SLC45A2: variants seen among roughly 807,000 people sequenced by gnomAD.
SLC45A2 encodes membrane-associated transporter protein.
In SLC45A2, 36 loss-of-function variants were observed where a neutral mutation model predicts 45.5. That is an observed-to-expected ratio of 0.79 (90% CI 0.61 to 1.04). The LOEUF (loss-of-function observed/expected upper bound fraction) is 1.04, where lower values mean the gene tolerates loss of function less well. Among genes scored for constraint, SLC45A2 ranks in the 50% least tolerant of loss-of-function variants. The probability of loss-of-function intolerance (pLI) is 0.00; values close to 1 mark genes in which losing one functional copy is unlikely to be tolerated. For missense variants in SLC45A2, 719 were observed against 671.0 expected (o/e 1.07, Z -0.79); for synonymous variants, 306 against 269.3 (o/e 1.14, Z -1.33).
intron 3 of SLC45A2, among the ~76,000 whole-genome samples, chr5:33,960,065 T>A (rs907891251): frequency 7.2e-5 from 11 of 152,142 alleles, no homozygotes; most frequent in African/African-American, 2.7e-4. Context: ...CTAAATGTAA[T>A]GTGGTATCCT....
intron 2 of SLC45A2, among the ~76,000 whole-genome samples, chr5:33,969,733 G>T (rs1376896782): frequency 6.6e-6 from 1 of 152,176 alleles, no homozygotes; most frequent in African/African-American, 2.4e-5. Context: ...CTTGCTGCCT[G>T]CTTGATGGGC....
At chr5:33,959,899 C>G (rs1752395941) in intron 3 of SLC45A2, among the ~76,000 whole-genome samples, 1 of 152,146 alleles carries the variant, frequency 6.6e-6, no homozygotes, top group African/African-American at 2.4e-5. Flanking sequence ...ACTACTTACA[C>G]ACTTTTATAA....
At chr5:33,973,137 G>T (rs192905467) in intron 2 of SLC45A2, among the ~76,000 whole-genome samples, 10 of 152,278 alleles carry the variant, frequency 6.6e-5, no homozygotes, top group African/African-American at 2.4e-4. Flanking sequence ...AAAGCCAACT[G>T]CCAATTGGTA....
chr5:33,948,031 T>C (rs1170561578), intron 5 of SLC45A2, among the ~76,000 whole-genome samples: 1 of 152,208 alleles, frequency 6.6e-6, no homozygotes, highest in African/African-American at 2.4e-5. Flanking sequence ...ACAAGTTCCT[T>C]GACTTCTCAA....
chr5:33,954,820 A>G (rs1561359366), intron 3 of SLC45A2, among the ~76,000 whole-genome samples: 1 of 152,204 alleles, frequency 6.6e-6, no homozygotes, highest in Non-Finnish European at 1.5e-5. Context: ...GAACTGTTGC[A>G]CAAGGACAAA....
At chr5:33,972,341 A>G in intron 2 of SLC45A2, 2 of 382,460 alleles carry the variant, frequency 5.2e-6, no homozygotes, top group Non-Finnish European at 1.1e-5. Context: ...ATCCAGGAAG[A>G]TTAGATAGAA....
At chr5:33,964,533 C>T (rs1199627078) in intron 2 of SLC45A2, among the ~76,000 whole-genome samples, 1 of 152,162 alleles carries the variant, frequency 6.6e-6, no homozygotes, top group Non-Finnish European at 1.5e-5. Flanking sequence ...ATGAAACACC[C>T]TCAAAAGCTG....
chr5:33,959,518 G>A (rs959840799), intron 3 of SLC45A2, among the ~76,000 whole-genome samples: 5 of 152,074 alleles, frequency 3.3e-5, no homozygotes, highest in African/African-American at 1.2e-4. Flanking sequence ...CTCTACTTGT[G>A]TGATTGAGAT....
chr5:33,976,219 C>G lies in SLC45A2; in HGVS notation c.562+6017G>C, dbSNP rs147969730. 2.8e-3 allele frequency among the ~76,000 whole-genome samples: 430 copies of G among 152,258 alleles called. 2 individuals are homozygous for G. The highest frequency in any genetic ancestry group is 1.0e-2 in the African/African-American group (414 of 41,562). On this transcript the variant is annotated intron_variant, in intron 2 of 6. Coordinates refer to ENST00000296589, the MANE Select transcript of SLC45A2 (RefSeq NM_016180.5). ...AAGGGGCCGAGAACACGGGGAAGGG[C>G]TGAAGGAAATCAACCTGGATTTTTG...
intron 3 of SLC45A2, among the ~76,000 whole-genome samples, chr5:33,961,867 T>C (rs1230433762): frequency 3.3e-5 from 5 of 152,178 alleles, no homozygotes; most frequent in Non-Finnish European, 7.4e-5. Context: ...AGCCTGTTCC[T>C]ACAAGAGTTG....
chr5:33,976,117 T>C (rs1053967254), intron 2 of SLC45A2, among the ~76,000 whole-genome samples: 2 of 152,126 alleles, frequency 1.3e-5, no homozygotes, highest in African/African-American at 4.8e-5. Context: ...AGCCACTGTT[T>C]TGTGGGCGTT....
intron 1 of SLC45A2, 100 bp from the exon 2 acceptor site, chr5:33,982,512 GC>G: frequency 8.2e-7 from 1 of 1,226,504 alleles, no homozygotes; most frequent in Middle Eastern, 1.9e-4. Flanking sequence ...CATCTTCCTT[GC>G]TTTTATTTTG....
chr5:33,947,348 T>C lies in SLC45A2; in HGVS notation c.1183A>G (p.Ile395Val). Reference sequence around the variant, plus strand: ...GTGAAGTAAAGACCCTTTAATCCAATGTAGGATACCAAAACTTTCTGAAAG... The same window carrying C: ...GTGAAGTAAAGACCCTTTAATCCAACGTAGGATACCAAAACTTTCTGAAAG... ...SYFQKVLVSYIGLKGLYFTGY... is the reference protein window; with the variant it reads ...SYFQKVLVSYVGLKGLYFTGY... The change falls in exon 6 of 7, where the codon ATT becomes GTT. Residue 395 changes from isoleucine (I) to valine (V), a missense_variant. Ile to Val is a conservative substitution (Grantham distance 29). Coordinates refer to ENST00000296589, the MANE Select transcript of SLC45A2 (RefSeq NM_016180.5). 6.2e-7 allele frequency: 1 copy of C among 1,614,214 alleles called. No individual in the cohort carries two copies. The highest frequency in any genetic ancestry group is 1.7e-5 in the Admixed American group (1 of 60,030).
In SLC45A2 at chr5:33,947,353, G is replaced by T; in HGVS notation, c.1178C>A (p.Ser393Tyr). 1 of 1,614,152 alleles carries T rather than the reference G, an allele frequency of 6.2e-7. No homozygotes were observed. Among genetic ancestry groups the T allele is most frequent in the Non-Finnish European group, 8.5e-7 (1 of 1,180,022 alleles). Residue 393 changes from serine to tyrosine, a missense_variant, in exon 6 of 7, where the codon TCC (serine) becomes TAC (tyrosine). Transcript: ENST00000296589. ...LYSYFQKVLV[S>Y]YIGLKGLYFT... ...GTAAAGACCCTTTAATCCAATGTAG[G>T]ATACCAAAACTTTCTGAAAGTCTGT...
chr5:33,977,880 T>C (rs193092426), intron 2 of SLC45A2, among the ~76,000 whole-genome samples: 14 of 152,260 alleles, frequency 9.2e-5, no homozygotes, highest in Admixed American at 7.8e-4. Flanking sequence ...ATGAGGCACA[T>C]AGGGAGCCAC....
Position 33,944,624 on chromosome 5 carries a change from T to G in SLC45A2, c.*24A>C, listed in dbSNP as rs45552240. 5,214 of 1,611,258 alleles carry G rather than the reference T, an allele frequency of 3.2e-3. 106 individuals carry two copies. The South Asian group carries it at 0.036, about 11-fold the overall frequency. ...CCATGTGCTTCACTGTCTCTGAGGTTAGGGTCATTGTCTCTTTATTGACCT... is the reference window on the plus strand; with the variant it reads ...CCATGTGCTTCACTGTCTCTGAGGTGAGGGTCATTGTCTCTTTATTGACCT... On this transcript the variant is annotated 3_prime_UTR_variant, in exon 7 of 7. Coordinates refer to ENST00000296589, the MANE Select transcript of SLC45A2 (RefSeq NM_016180.5).
chr5:33,945,706 T>A (rs1475032576), intron 6 of SLC45A2, among the ~76,000 whole-genome samples: 1 of 152,188 alleles, frequency 6.6e-6, no homozygotes, highest in Non-Finnish European at 1.5e-5. Context: ...ATTTGTTTGC[T>A]TTTCTATAAG....
rs369743051 is a variant in SLC45A2 at position 33,976,588 on chromosome 5, A to T, written c.562+5648T>A. On this transcript the variant is annotated intron_variant, in intron 2 of 6. Transcript: ENST00000296589. ...CCTCCAAGGATGGGGTGGAGGTTGGAGGGGTGAGGGGGGTGGGGGAGATTT... is the reference window on the plus strand; with the variant it reads ...CCTCCAAGGATGGGGTGGAGGTTGGTGGGGTGAGGGGGGTGGGGGAGATTT... 3.4e-5 allele frequency among the ~76,000 whole-genome samples: 5 copies of T among 146,376 alleles called. No homozygotes were observed. In the East Asian group the frequency reaches 6.7e-4, roughly 20 times the overall value.
chr5:33,979,532 A>G (rs1753015357), intron 2 of SLC45A2, among the ~76,000 whole-genome samples: 1 of 152,194 alleles, frequency 6.6e-6, no homozygotes, highest in East Asian at 1.9e-4. Context: ...AGGAGTACAG[A>G]AGGTAGATTT....
Sources: gnomAD v4.1 joint callset for allele counts (sites outside exome capture counted in the v4.1 genomes callset) on GRCh38, gnomAD v4.1.1 for gene constraint, MANE v1.5 for transcripts, NCBI Gene and HGNC (gene_info 2026-07-23, HGNC 2026-07-21) for gene names.